Variants in MDGA2 observed in about 807,000 individuals in gnomAD.
MDGA2 encodes the protein MAM domain containing glycosylphosphatidylinositol anchor 2.
MDGA2 carries 40 observed loss-of-function variants against 117.8 expected under a neutral mutation model. The ratio of observed to expected loss-of-function variants is 0.34; its 90% confidence interval spans 0.26 to 0.44. MDGA2 has a LOEUF of 0.44. Among genes scored for constraint, MDGA2 ranks in the 20% least tolerant of loss-of-function variants. MDGA2 has a pLI of 1.00. For synonymous variants in MDGA2, 452 were observed against 439.0 expected (o/e 1.03, Z -0.37); for missense variants, 1,123 against 1,250.6 (o/e 0.90, Z 1.54).
At chr14:46,905,770 T>C (rs1234793380) in intron 10 of MDGA2, among the ~76,000 whole-genome samples, 2 of 152,192 alleles carry the variant, frequency 1.3e-5, no homozygotes, top group Non-Finnish European at 2.9e-5. Context: ...ATTGAAATCT[T>C]TGAAAATTAG....
At chr14:46,891,940 A>C (rs2138419720) in intron 10 of MDGA2, among the ~76,000 whole-genome samples, 1 of 152,002 alleles carries the variant, frequency 6.6e-6, no homozygotes, top group East Asian at 1.9e-4. Flanking sequence ...ATGTAGTAGA[A>C]GTTAATATGA....
chr14:47,348,382 T>G (rs1166316010), intron 1 of MDGA2, among the ~76,000 whole-genome samples: 1 of 152,026 alleles, frequency 6.6e-6, no homozygotes, highest in African/African-American at 2.4e-5. Flanking sequence ...CAGCTAATTT[T>G]TGTATTTTTA....
chr14:47,200,375 T>A (rs1386171403), intron 3 of MDGA2, among the ~76,000 whole-genome samples: 2 of 152,124 alleles, frequency 1.3e-5, no homozygotes, highest in Admixed American at 1.3e-4. Context: ...TAAAAGAATA[T>A]CATATTTCTA....
chr14:46,900,633 T>C (rs1883248119), intron 10 of MDGA2, among the ~76,000 whole-genome samples: 1 of 152,172 alleles, frequency 6.6e-6, no homozygotes, highest in Non-Finnish European at 1.5e-5. Context: ...CATAATTCCA[T>C]TTCTGTAACA....
chr14:47,314,375 A>T (rs1012106830), intron 1 of MDGA2, among the ~76,000 whole-genome samples: 1 of 152,062 alleles, frequency 6.6e-6, no homozygotes, highest in Admixed American at 6.6e-5. Flanking sequence ...TGTTCTCAAA[A>T]TTTTTTTCTT....
At chr14:47,618,055 T>C (rs1164902548) in intron 1 of MDGA2, among the ~76,000 whole-genome samples, 4 of 152,202 alleles carry the variant, frequency 2.6e-5, no homozygotes, top group Admixed American at 6.5e-5. Context: ...CAGTGTTCAA[T>C]AGGGGTGAAA....
chr14:47,286,912 T>G (rs532589342), intron 2 of MDGA2, among the ~76,000 whole-genome samples: 80 of 150,212 alleles, frequency 5.3e-4, no homozygotes, highest in Non-Finnish European at 1.1e-3. Context: ...GAATTTGTAG[T>G]TCACTGAAAG....
At chr14:47,127,491 G>A (rs1367586817) in intron 5 of MDGA2, among the ~76,000 whole-genome samples, 1 of 152,088 alleles carries the variant, frequency 6.6e-6, no homozygotes, top group Non-Finnish European at 1.5e-5. Context: ...GTTTGAATGT[G>A]TAAAGTATGA....
chr14:47,414,329 G>A (rs946044652), intron 1 of MDGA2, among the ~76,000 whole-genome samples: 6 of 152,008 alleles, frequency 3.9e-5, no homozygotes, highest in Non-Finnish European at 5.9e-5. Context: ...ATCTTTCTAC[G>A]ATTGAGTATT....
chr14:47,671,847 A>T (rs1356224013), intron 1 of MDGA2, among the ~76,000 whole-genome samples: 1 of 152,216 alleles, frequency 6.6e-6, no homozygotes, highest in Non-Finnish European at 1.5e-5. Flanking sequence ...TGATAAATTT[A>T]AAAAATGTTC....
intron 2 of MDGA2, among the ~76,000 whole-genome samples, chr14:47,288,956 A>C (rs745859468): frequency 6.6e-6 from 1 of 152,160 alleles, no homozygotes; most frequent in Non-Finnish European, 1.5e-5. Flanking sequence ...GTAATTTAGA[A>C]TAAATGTATC....
intron 8 of MDGA2, among the ~76,000 whole-genome samples, chr14:47,029,760 T>C (rs1459793530): frequency 6.6e-6 from 1 of 152,162 alleles, no homozygotes; most frequent in Non-Finnish European, 1.5e-5. Flanking sequence ...TATACTTATA[T>C]AATACAGATA....
intron 9 of MDGA2, among the ~76,000 whole-genome samples, chr14:46,929,169 C>T (rs1357289432): frequency 6.6e-6 from 1 of 152,080 alleles, no homozygotes; most frequent in Non-Finnish European, 1.5e-5. Context: ...AAGTGTCTTT[C>T]TTAGGCTTGA....
At chr14:47,013,473 A>G (rs922038848) in intron 8 of MDGA2, among the ~76,000 whole-genome samples, 1 of 151,902 alleles carries the variant, frequency 6.6e-6, no homozygotes, top group Non-Finnish European at 1.5e-5. Context: ...TCTCCACTGG[A>G]ATCTTGAATC....
chr14:47,530,069 T>C (rs1041902595), intron 1 of MDGA2, among the ~76,000 whole-genome samples: 7 of 152,188 alleles, frequency 4.6e-5, no homozygotes, highest in Admixed American at 6.5e-5. Flanking sequence ...AGAGAGCCTA[T>C]GAACAGACGT....
At chr14:47,172,429 C>T (rs533226487) in intron 3 of MDGA2, among the ~76,000 whole-genome samples, 9 of 151,648 alleles carry the variant, frequency 5.9e-5, no homozygotes, top group Admixed American at 3.9e-4. Context: ...CTCACACGGC[C>T]GGGTACTCCT....
chr14:47,252,890 G>A lies in MDGA2; in HGVS notation c.421-34695C>T, dbSNP rs138403554. On this transcript the variant is annotated intron_variant, in intron 2 of 16. Transcript: ENST00000399232. ...TGGTTTAATTGACTCACAGTTAAGC[G>A]TGGCTGGGGAGGCCTCAGGAAATTT... Among the ~76,000 whole-genome samples, 296 of 152,290 alleles carry A rather than the reference G, an allele frequency of 1.9e-3. 2 individuals are homozygous for A. The highest frequency in any genetic ancestry group is 6.5e-3 in the African/African-American group (272 of 41,548).
intron 9 of MDGA2, among the ~76,000 whole-genome samples, chr14:46,921,103 TACA>T (rs1884110383): frequency 6.6e-6 from 1 of 152,140 alleles, no homozygotes. Flanking sequence ...TATTTAATAA[TACA>T]ACAATATTTA....
Position 47,315,957 on chromosome 14 carries a change from A to G in MDGA2, c.281-14407T>C, listed in dbSNP as rs377042341. The stretch of plus-strand genomic sequence containing the variant: ...AAAACAAAACAAAAAACAAACAAAA[A>G]AAACTTTCCTCTAGTTATAAAGTCT... On this transcript the variant is annotated intron_variant, in intron 1 of 16. Coordinates refer to ENST00000399232, the MANE Select transcript of MDGA2 (RefSeq NM_001113498.3). Among the ~76,000 whole-genome samples the G allele has an allele frequency of 1.0e-3, 153 of 152,066 alleles. 2 individuals carry two copies. The highest frequency in any genetic ancestry group is 3.6e-3 in the African/African-American group (148 of 41,502).
Sources: gnomAD v4.1 joint callset for allele counts (sites outside exome capture counted in the v4.1 genomes callset) on GRCh38, gnomAD v4.1.1 for gene constraint, MANE v1.5 for transcripts, NCBI Gene and HGNC (gene_info 2026-07-23, HGNC 2026-07-21) for gene names.